The following USP32 variants were observed in gnomAD, a reference collection of about 807,000 sequenced individuals.
The protein encoded by USP32 is ubiquitin specific peptidase 32, also known as ubiquitin carboxyl-terminal hydrolase 32.
In USP32, 59 loss-of-function variants were observed where a neutral mutation model predicts 204.8. The observed-to-expected ratio is 0.29, with a 90% CI of 0.23 to 0.36. The LOEUF is 0.36. USP32 is among the 10% of genes least tolerant of loss of function. USP32 has a pLI of 1.00. For synonymous variants in USP32, 517 were observed against 678.4 expected (o/e 0.76, Z 3.70); for missense variants, 1,160 against 1,946.4 (o/e 0.60, Z 7.60).
intron 1 of USP32, among the ~76,000 whole-genome samples, chr17:60,420,705 C>A (rs2090104887): frequency 6.6e-6 from 1 of 152,070 alleles, no homozygotes; most frequent in South Asian, 2.1e-4. Context: ...AAACCTCTTT[C>A]CTGACTGTAA....
intron 1 of USP32, among the ~76,000 whole-genome samples, chr17:60,398,351 C>T (rs924037688): frequency 1.3e-5 from 2 of 151,944 alleles, no homozygotes; most frequent in Non-Finnish European, 2.9e-5. Context: ...CCCATGACTG[C>T]GTCACTGCAC....
At position 60,333,690 on chromosome 17, in the gene USP32, A is replaced by G. The variant is rs558398724; in HGVS notation, c.186+11791T>C. Among the ~76,000 whole-genome samples, 103 of 149,850 alleles carry G rather than the reference A, an allele frequency of 6.9e-4. 2 individuals are homozygous for G. The highest frequency in any genetic ancestry group is 4.4e-3 in the South Asian group (20 of 4,532). ...GGAAGGAGGGAGGGAGGGAAAGAAAAGAGAGGAGAGGAGAGGGGAGGGGGA... is the reference window on the plus strand; with the variant it reads ...GGAAGGAGGGAGGGAGGGAAAGAAAGGAGAGGAGAGGAGAGGGGAGGGGGA... On this transcript the variant is annotated intron_variant, in intron 2 of 33. Coordinates refer to ENST00000300896, the MANE Select transcript of USP32 (RefSeq NM_032582.4).
At chr17:60,259,192 T>G (rs1458177713) in intron 9 of USP32, among the ~76,000 whole-genome samples, 1 of 152,138 alleles carries the variant, frequency 6.6e-6, no homozygotes, top group African/African-American at 2.4e-5. Context: ...GGAAGATGCA[T>G]TTACAGATCA....
intron 1 of USP32, among the ~76,000 whole-genome samples, chr17:60,349,623 ATTAT>A (rs1223301853): frequency 1.4e-4 from 9 of 65,664 alleles, no homozygotes; most frequent in Admixed American, 1.7e-4. Flanking sequence ...ATATATATAT[ATTAT>A]ATATATATAT....
At chr17:60,422,131 C>T in intron 1 of USP32, 1 of 315,452 alleles carries the variant, frequency 3.2e-6, no homozygotes, top group Middle Eastern at 1.3e-3. Flanking sequence ...GACCTCTGTC[C>T]CAAATCAGAA....
chr17:60,280,241 C>T (rs768968478), intron 5 of USP32, among the ~76,000 whole-genome samples: 2 of 152,052 alleles, frequency 1.3e-5, no homozygotes, highest in Non-Finnish European at 2.9e-5. Flanking sequence ...GGATTACAGG[C>T]GTCCACCACC....
rs761374697 is a variant in USP32, at chr17:60,269,844, CAAT to C, written c.704-290_704-288del. ...TGGCTAAAATGACTATTTTTGAAGTCAATAAATAAAAATTAAAAACCAAAAAAA... is the reference window on the plus strand; with the variant it reads ...TGGCTAAAATGACTATTTTTGAAGTCAAATAAAAATTAAAAACCAAAAAAA... On this transcript the variant is annotated intron_variant, in intron 6 of 33. Transcript: ENST00000300896. Among the ~76,000 whole-genome samples, 3 of 148,774 alleles carry C rather than the reference CAAT, an allele frequency of 2.0e-5. No individual in the cohort carries two copies. In the South Asian group the frequency reaches 6.4e-4, roughly 32 times the overall value.
intron 9 of USP32, among the ~76,000 whole-genome samples, chr17:60,260,714 TAC>T (rs58520662): frequency 0.13 from 19,845 of 151,750 alleles, 2,717 homozygotes; most frequent in African/African-American, 0.34. Context: ...GAAAATTATA[TAC>T]AGATTTAGGA....
intron 10 of USP32, among the ~76,000 whole-genome samples, chr17:60,253,681 G>A (rs780552510): frequency 3.3e-5 from 5 of 151,938 alleles, no homozygotes; most frequent in East Asian, 1.9e-4. Context: ...CAGGAGAATC[G>A]CTTGAACCTG....
In USP32 at chr17:60,269,525, T is replaced by C; in HGVS notation, c.736A>G (p.Asn246Asp). 1 of 1,610,750 alleles carries C rather than the reference T, an allele frequency of 6.2e-7. No individual in the cohort carries two copies. Among genetic ancestry groups the C allele is most frequent in the South Asian group, 1.1e-5 (1 of 90,254 alleles). The change falls in exon 7 of 34, where the codon AAT (asparagine) becomes GAT (aspartate). Residue 246 changes from asparagine (N) to aspartate (D), a missense_variant. Asn to Asp is a conservative substitution (Grantham distance 23, BLOSUM62 1). Coordinates refer to ENST00000300896, the MANE Select transcript of USP32 (RefSeq NM_032582.4). Reference sequence around the variant, plus strand: ...GATATCTCCTTAAAATCTATGTGATTGTCACGATTTTCATCAAAAGCATTA... The same window carrying C: ...GATATCTCCTTAAAATCTATGTGATCGTCACGATTTTCATCAAAAGCATTA... ...LFNAFDENRD[N>D]HIDFKEISCG...
At chr17:60,398,122 T>C (rs912651237) in intron 1 of USP32, among the ~76,000 whole-genome samples, 2 of 152,212 alleles carry the variant, frequency 1.3e-5, no homozygotes, top group Non-Finnish European at 2.9e-5. Context: ...CCAAGCACTT[T>C]GGGCAGCCAA....
At chr17:60,312,200 G>A (rs545135524) in intron 2 of USP32, among the ~76,000 whole-genome samples, 1 of 152,162 alleles carries the variant, frequency 6.6e-6, no homozygotes, top group Non-Finnish European at 1.5e-5. Flanking sequence ...ACTATCTCAG[G>A]ACAGAAGGCG....
intron 1 of USP32, among the ~76,000 whole-genome samples, chr17:60,355,285 AT>A (rs2089041043): frequency 6.6e-6 from 1 of 152,158 alleles, no homozygotes; most frequent in Admixed American, 6.5e-5. Flanking sequence ...GATGTGGTAA[AT>A]TTACTGGTAA....
At chr17:60,381,774 T>C (rs964826734) in intron 1 of USP32, among the ~76,000 whole-genome samples, 27 of 152,302 alleles carry the variant, frequency 1.8e-4, no homozygotes, top group Non-Finnish European at 3.1e-4. Flanking sequence ...AATCTTACTA[T>C]ATAGCTTGAC....
intron 11 of USP32, among the ~76,000 whole-genome samples, chr17:60,252,054 C>G (rs1470455701): frequency 2.6e-5 from 4 of 151,956 alleles, no homozygotes; most frequent in Non-Finnish European, 5.9e-5. Flanking sequence ...AAATCTTTCT[C>G]TGCTTCTTTT....
intron 12 of USP32, among the ~76,000 whole-genome samples, chr17:60,227,549 C>T (rs966577596): frequency 3.3e-5 from 5 of 150,666 alleles, no homozygotes; most frequent in East Asian, 1.9e-4. Flanking sequence ...GAATTACAGG[C>T]GTGAGCCACC....
intron 1 of USP32, chr17:60,421,603 G>C (rs967278389): frequency 2.0e-6 from 2 of 982,838 alleles, no homozygotes; most frequent in Non-Finnish European, 2.4e-6. Flanking sequence ...CGGGGGCAAC[G>C]GTCTCTCGTC....
rs756716309 is a variant in USP32 at position 60,179,244 on chromosome 17, G to A, written c.*11C>T. The A allele has an allele frequency of 1.2e-6, 2 of 1,610,958 alleles. No individual in the cohort carries two copies. On this transcript the variant is annotated 3_prime_UTR_variant, in exon 34 of 34. Transcript: ENST00000300896. ...TCACCGCCAAGCTGTCTAGCAGCCA[G>A]AGTGGTAGCTTTACTGTAACACACA...
intron 9 of USP32, among the ~76,000 whole-genome samples, chr17:60,262,184 T>C (rs1347781917): frequency 6.6e-6 from 1 of 152,170 alleles, no homozygotes; most frequent in Non-Finnish European, 1.5e-5. Context: ...TTGTTTTATG[T>C]ATGTATGTAT....
Sources: gnomAD v4.1 joint callset for allele counts (sites outside exome capture counted in the v4.1 genomes callset) on GRCh38, gnomAD v4.1.1 for gene constraint, MANE v1.5 for transcripts, NCBI Gene and HGNC (gene_info 2026-07-23, HGNC 2026-07-21) for gene names.